Variants in FBN2 observed in about 807,000 individuals in gnomAD.
FBN2 encodes the protein fibrillin 2.
FBN2 carries 105 observed loss-of-function variants against 355.6 expected under a neutral mutation model. The ratio of observed to expected loss-of-function variants is 0.30; its 90% confidence interval spans 0.25 to 0.35. The LOEUF (loss-of-function observed/expected upper bound fraction) is 0.35, where lower values mean the gene tolerates loss of function less well. Ranked by LOEUF, FBN2 falls within the 10% of genes least tolerant of loss-of-function variation. The pLI, the probability that FBN2 is intolerant of heterozygous loss-of-function variation, is 1.00. For missense variants in FBN2, 3,280 were observed against 3,758.7 expected, an observed-to-expected ratio of 0.87 and a Z score of 3.33; for synonymous variants, 1,350 against 1,301.2, an observed-to-expected ratio of 1.04 and a Z score of -0.81.
At chr5:128,263,122 A>C (rs1204021224) in intron 63 of FBN2, among the ~76,000 whole-genome samples, 1 of 152,158 alleles carries the variant, frequency 6.6e-6, no homozygotes, top group African/African-American at 2.4e-5. Context: ...CCGCATTTTT[A>C]AGCATCTGTT....
At chr5:128,364,345 A>G (rs370499729) in intron 18 of FBN2, among the ~76,000 whole-genome samples, 1 of 152,174 alleles carries the variant, frequency 6.6e-6, no homozygotes, top group Non-Finnish European at 1.5e-5. Context: ...TATATGCAGG[A>G]AAACAATAGG....
chr5:128,406,130 C>T (rs1752921032), intron 8 of FBN2, among the ~76,000 whole-genome samples: 2 of 152,252 alleles, frequency 1.3e-5, no homozygotes, highest in South Asian at 4.2e-4. Flanking sequence ...AGCTGACAGC[C>T]AAATTATAAA....
At chr5:128,446,850 T>C (rs1217117550) in intron 6 of FBN2, among the ~76,000 whole-genome samples, 1 of 152,218 alleles carries the variant, frequency 6.6e-6, no homozygotes, top group Non-Finnish European at 1.5e-5. Flanking sequence ...AGATCCATCC[T>C]GTTGTGGGAA....
intron 7 of FBN2, among the ~76,000 whole-genome samples, chr5:128,435,438 A>C (rs1174601850): frequency 1.3e-5 from 2 of 152,182 alleles, no homozygotes; most frequent in Non-Finnish European, 2.9e-5. Context: ...ACACATCAGA[A>C]CTCTTCCACA....
intron 64 of FBN2, among the ~76,000 whole-genome samples, chr5:128,260,559 T>C (rs1396057364): frequency 6.6e-6 from 1 of 152,224 alleles, no homozygotes; most frequent in African/African-American, 2.4e-5. Context: ...GAAGTGCCCA[T>C]CAGTGTTCAG....
At chr5:128,483,225 G>A (rs890294934) in intron 5 of FBN2, among the ~76,000 whole-genome samples, 2 of 152,126 alleles carry the variant, frequency 1.3e-5, no homozygotes, top group Non-Finnish European at 2.9e-5. Flanking sequence ...GTACCTGGAT[G>A]ACAGGATCAA....
intron 6 of FBN2, among the ~76,000 whole-genome samples, chr5:128,452,687 T>G (rs1479159614): frequency 6.6e-6 from 1 of 152,184 alleles, no homozygotes; most frequent in Non-Finnish European, 1.5e-5. Context: ...CCAAATTAGA[T>G]CCATTTCTAA....
chr5:128,365,330 T>C (rs895354552), intron 17 of FBN2: 4 of 152,580 alleles, frequency 2.6e-5, no homozygotes, highest in African/African-American at 9.7e-5. Flanking sequence ...TGCACTGATG[T>C]GCTTGTATGA....
intron 5 of FBN2, among the ~76,000 whole-genome samples, chr5:128,486,774 C>A (rs1249322057): frequency 1.3e-5 from 2 of 152,082 alleles, no homozygotes; most frequent in African/African-American, 2.4e-5. Context: ...CCTCCCCCAT[C>A]CCCCCACCTC....
At chr5:128,288,234 A>G (rs1368144614) in intron 53 of FBN2, among the ~76,000 whole-genome samples, 4 of 152,226 alleles carry the variant, frequency 2.6e-5, no homozygotes, top group Admixed American at 2.0e-4. Flanking sequence ...TGCTGGAATG[A>G]TCAGACAAGG....
chr5:128,516,420 C>A (rs1300611472), intron 5 of FBN2, among the ~76,000 whole-genome samples: 1 of 149,626 alleles, frequency 6.7e-6, no homozygotes, highest in Non-Finnish European at 1.5e-5. Context: ...TTGTACATAT[C>A]AGCAAGTGTG....
intron 6 of FBN2, among the ~76,000 whole-genome samples, chr5:128,460,050 T>C (rs962473882): frequency 3.9e-5 from 6 of 152,166 alleles, no homozygotes; most frequent in Admixed American, 3.3e-4. Context: ...GACATGATTG[T>C]ATATTTAGAA....
chr5:128,463,164 A>G (rs1366475675), intron 6 of FBN2, among the ~76,000 whole-genome samples: 2 of 152,134 alleles, frequency 1.3e-5, no homozygotes, highest in Non-Finnish European at 2.9e-5. Flanking sequence ...TATAAATTAC[A>G]TGGTAATCTG....
In FBN2 at chr5:128,318,913, A is replaced by C; in HGVS notation, c.4560T>G (p.Gly1520=). Residue 1520 remains glycine (G), a synonymous_variant, in exon 35 of 65, where the codon GGT becomes GGG. Coordinates refer to ENST00000262464, the MANE Select transcript of FBN2 (RefSeq NM_001999.4). ...TCCCTCCTGTTCTGTCCAATTCATA[A>C]CCATCATCGCAGATGCAATGAAACA... ...PGMFHCICDD[G]YELDRTGGNC... is the part of the protein sequence containing the mutation. 6.2e-7 allele frequency: 1 copy of C among 1,613,462 alleles called. No individual in the cohort carries two copies. Among genetic ancestry groups the C allele is most frequent in the Non-Finnish European group, 8.5e-7 (1 of 1,179,542 alleles).
intron 5 of FBN2, among the ~76,000 whole-genome samples, chr5:128,478,030 C>T (rs1755051542): frequency 1.3e-5 from 2 of 152,334 alleles, no homozygotes; most frequent in African/African-American, 4.8e-5. Context: ...TCGATTCAGA[C>T]TTTTCACTTC....
chr5:128,288,013 A>G (rs1308252456), intron 53 of FBN2, among the ~76,000 whole-genome samples: 3 of 152,232 alleles, frequency 2.0e-5, no homozygotes, highest in Admixed American at 6.5e-5. Context: ...CTGAGGCCTG[A>G]GGGTCTGCTA....
At chr5:128,377,438 T>G (rs1224747842) in intron 13 of FBN2, among the ~76,000 whole-genome samples, 1 of 152,112 alleles carries the variant, frequency 6.6e-6, no homozygotes, top group African/African-American at 2.4e-5. Context: ...CGGTCAGTAA[T>G]TGTTTAAACT....
chr5:128,359,448 T>A (rs1751584102), intron 19 of FBN2, among the ~76,000 whole-genome samples: 1 of 152,084 alleles, frequency 6.6e-6, no homozygotes, highest in African/African-American at 2.4e-5. Context: ...TCAAGTCTAT[T>A]CTTTGCAAAA....
chr5:128,413,624 A>G (rs1753124006), intron 7 of FBN2, among the ~76,000 whole-genome samples: 1 of 152,174 alleles, frequency 6.6e-6, no homozygotes, highest in African/African-American at 2.4e-5. Context: ...GAATATAATG[A>G]ATAATTTGAT....
Sources: allele counts gnomAD v4.1 joint callset (sites outside exome capture counted in the v4.1 genomes callset), GRCh38; gene constraint gnomAD v4.1.1; transcripts MANE v1.5; gene names NCBI Gene and HGNC (gene_info 2026-07-23, HGNC 2026-07-21).